Variants in DNMT3A observed in about 807,000 individuals in gnomAD.
The protein encoded by DNMT3A is DNA (cytosine-5)-methyltransferase 3A.
A neutral mutation model predicts 117.6 loss-of-function variants in DNMT3A; 267 were observed. The ratio of observed to expected loss-of-function variants is 2.27; its 90% confidence interval spans 2.05 to 2.51. The LOEUF (loss-of-function observed/expected upper bound fraction) is 2.51, where lower values mean the gene tolerates loss of function less well. DNMT3A is among the 30% of genes most tolerant of loss of function. The probability of loss-of-function intolerance (pLI) is 0.00; values close to 1 mark genes in which losing one functional copy is unlikely to be tolerated. For missense variants in DNMT3A, 1,029 were observed against 1,260.2 expected, an observed-to-expected ratio of 0.82 and a Z score of 2.78; for synonymous variants, 432 against 474.8, an observed-to-expected ratio of 0.91 and a Z score of 1.17.
chr2:25,255,819 G>A (rs1042344893), intron 6 of DNMT3A, among the ~76,000 whole-genome samples: 8 of 152,160 alleles, frequency 5.3e-5, no homozygotes, highest in Non-Finnish European at 1.2e-4. Context: ...ATGATCATAA[G>A]TATGTTAATG....
At position 25,230,461 on chromosome 2, in the gene DNMT3A, C is replaced by G. The variant is rs1300169309; in HGVS notation, c.*3818G>C. 1.3e-5 allele frequency: 2 copies of G among 152,206 alleles called. No individual in the cohort carries two copies. Among genetic ancestry groups the G allele is most frequent in the Admixed American group, 1.3e-4 (2 of 15,280 alleles). 9.4% of individuals were successfully genotyped at this position (152,206 alleles called of 1,614,324 possible). On this transcript the variant is annotated 3_prime_UTR_variant, in exon 23 of 23. Transcript: ENST00000321117. Reference sequence around the variant, plus strand: ...GAAGCTGTCATCAGCCCCCAGAACCCTTGTTTCTAAGGGGGAAATGGGCCT... The same window carrying G: ...GAAGCTGTCATCAGCCCCCAGAACCGTTGTTTCTAAGGGGGAAATGGGCCT...
At chr2:25,241,737 T>A (rs1392035109) in intron 16 of DNMT3A, 30 bp from the exon 17 acceptor site, 1 of 1,609,968 alleles carries the variant, frequency 6.2e-7, no homozygotes, top group African/African-American at 1.3e-5. Flanking sequence ...GCACCGTTAC[T>A]TGGAGCCATC....
At chr2:25,276,916 G>A (rs1217530777) in intron 4 of DNMT3A, among the ~76,000 whole-genome samples, 1 of 152,248 alleles carries the variant, frequency 6.6e-6, no homozygotes, top group Non-Finnish European at 1.5e-5. Flanking sequence ...CTCAGCCCGG[G>A]AGGCCACTCC....
rs542749828 is a variant in DNMT3A, at chr2:25,329,033, T to C, written c.-178+12793A>G. Among the ~76,000 whole-genome samples the C allele has an allele frequency of 1.0e-3, 153 of 152,290 alleles. 4 individuals carry two copies. In the South Asian group the frequency reaches 0.031, roughly 31 times the overall value. On this transcript the variant is annotated intron_variant, in intron 1 of 22. Coordinates refer to ENST00000321117, the MANE Select transcript of DNMT3A (RefSeq NM_022552.5). The stretch of plus-strand genomic sequence containing the variant: ...AGGTCCCCCAAAGGGTCTTCAGGGC[T>C]TGGGAGCGGCTGTTGGAGCTCGTCC...
At chr2:25,279,740 G>A (rs2031742378) in intron 4 of DNMT3A, among the ~76,000 whole-genome samples, 1 of 151,668 alleles carries the variant, frequency 6.6e-6, no homozygotes, top group African/African-American at 2.4e-5. Context: ...AGGCTGGAGT[G>A]CAGTGGCACA....
In DNMT3A at chr2:25,232,705, G is replaced by GC; in HGVS notation, c.*1573dup. ...GCCACCGCTAACTCAGAAGCACCCT[G>GC]CTCCCGCACCTTGGTTTGAAACCTA... On this transcript the variant is annotated 3_prime_UTR_variant, in exon 23 of 23. Coordinates refer to ENST00000321117, the MANE Select transcript of DNMT3A (RefSeq NM_022552.5). The surrounding 1 kb of genome is among the most constrained non-coding windows in gnomAD (Gnocchi z 4.1). 5.9e-6 allele frequency: 1 copy of GC among 169,860 alleles called. No homozygotes were observed. Among genetic ancestry groups the GC allele is most frequent in the South Asian group, 2.0e-4 (1 of 4,966 alleles). 10.5% of individuals were successfully genotyped at this position (169,860 alleles called of 1,614,324 possible). A position where few individuals can be genotyped will look rare whatever the true frequency, so the allele number is the denominator to read the frequency against.
rs115821038 is a variant in DNMT3A at position 25,303,122 on chromosome 2, G to A, written c.73-2879C>T. The stretch of plus-strand genomic sequence containing the variant: ...AACTCCTACTGCCCATAAATTCTGG[G>A]CTTTAAACTATTTCTTTAACAAGCT... On this transcript the variant is annotated intron_variant, in intron 2 of 22. Transcript: ENST00000321117. Among the ~76,000 whole-genome samples the A allele has an allele frequency of 8.3e-3, 1,268 of 152,328 alleles. 14 individuals are homozygous for A. The highest frequency in any genetic ancestry group is 0.027 in the African/African-American group (1,136 of 41,572).
At position 25,281,324 on chromosome 2, in the gene DNMT3A, A is replaced by C. The variant is rs1169326008; in HGVS notation, c.448+1117T>G. ...TTTTTCTCCTGAAATGAGGATAATC[A>C]TATCTCTTGAATAAGATTGTTAGAG... On this transcript the variant is annotated intron_variant, in intron 4 of 22. Transcript: ENST00000321117. The surrounding 1 kb of genome is among the most constrained non-coding windows in gnomAD (Gnocchi z 4.8). 1 of 627,384 alleles carries C rather than the reference A, an allele frequency of 1.6e-6. No homozygotes were observed. Among genetic ancestry groups the C allele is most frequent in the Non-Finnish European group, 2.0e-6 (1 of 494,416 alleles). The allele number at this position is 627,384 out of a possible 1,614,324, so 38.9% of individuals were successfully genotyped here.
Position 25,282,272 on chromosome 2 carries a change from T to C in DNMT3A, c.448+169A>G. 2.8e-6 allele frequency: 4 copies of C among 1,417,082 alleles called. No homozygotes were observed. Among genetic ancestry groups the C allele is most frequent in the Non-Finnish European group, 2.8e-6 (3 of 1,086,876 alleles). The allele number at this position is 1,417,082 out of a possible 1,614,324, so 87.8% of individuals were successfully genotyped here. A position where few individuals can be genotyped will look rare whatever the true frequency, so the allele number is the denominator to read the frequency against. ...AACACTCTATGGGCCAAATAAAACA[T>C]ATGCGCAGGCTGCATCCAGCCAGTA... On this transcript the variant is annotated intron_variant, in intron 4 of 22. Coordinates refer to ENST00000321117, the MANE Select transcript of DNMT3A (RefSeq NM_022552.5). The surrounding 1 kb of genome is among the most constrained non-coding windows in gnomAD (Gnocchi z 5.2).
chr2:25,333,315 C>A lies in DNMT3A; in HGVS notation c.-178+8511G>T, dbSNP rs13410565. On this transcript the variant is annotated intron_variant, in intron 1 of 22. Transcript: ENST00000321117. ...GTGAGGGGCCATGGGGAGGACAGGC[C>A]ACACTTGCAGGTCTTTTTTTTTTTT... Among the ~76,000 whole-genome samples, 318 of 151,948 alleles carry A rather than the reference C, an allele frequency of 2.1e-3. 1 individual carries two copies. Among genetic ancestry groups the A allele is most frequent in the African/African-American group, 7.4e-3 (308 of 41,458 alleles).
chr2:25,302,010 G>A (rs2033546335), intron 2 of DNMT3A, among the ~76,000 whole-genome samples: 1 of 152,192 alleles, frequency 6.6e-6, no homozygotes, highest in Non-Finnish European at 1.5e-5. Context: ...AAGACCAGCG[G>A]GAAGAGCATC....
rs1558669435 is a variant in DNMT3A, at chr2:25,246,276, T to C, written c.1313A>G (p.Asp438Gly). 1 of 1,613,580 alleles carries C rather than the reference T, an allele frequency of 6.2e-7. No homozygotes were observed. Among genetic ancestry groups the C allele is most frequent in the Admixed American group, 1.7e-5 (1 of 59,912 alleles). ...EKNPYKEVYT[D>G]MWVEPEAAAY... ...AGCTGCCTCAGGTTCCACCCACATG[T>C]CCGTGTACACTTCTTTGTAGGGATT... is the stretch of plus-strand genomic sequence containing the variant. The change falls in exon 11 of 23, where the codon GAC becomes GGC. Residue 438 changes from aspartate (D) to glycine (G), a missense_variant. Asp to Gly is a moderately conservative substitution (Grantham distance 94). Coordinates refer to ENST00000321117, the MANE Select transcript of DNMT3A (RefSeq NM_022552.5).
chr2:25,236,716 G>A lies in DNMT3A; in HGVS notation c.2478+220C>T, dbSNP rs1399640304. Among the ~76,000 whole-genome samples, 7 of 152,326 alleles carry A rather than the reference G, an allele frequency of 4.6e-5. No individual in the cohort carries two copies. The highest frequency in any genetic ancestry group is 4.1e-4 in the South Asian group (2 of 4,820). ...TGGTAAAGACTCCTCAGTGTCTACC[G>A]GGGGTGATGGGCGACACTCACCAGG... On this transcript the variant is annotated intron_variant, in intron 21 of 22. Coordinates refer to ENST00000321117, the MANE Select transcript of DNMT3A (RefSeq NM_022552.5). The surrounding 1 kb of genome is among the most constrained non-coding windows in gnomAD (Gnocchi z 4.5).
intron 1 of DNMT3A, among the ~76,000 whole-genome samples, chr2:25,318,527 C>A (rs1281110834): frequency 6.6e-6 from 1 of 152,106 alleles, no homozygotes; most frequent in Non-Finnish European, 1.5e-5. Context: ...CTCAAGTGAT[C>A]CACCCACCTT....
intron 1 of DNMT3A, 134 bp from the exon 2 acceptor site, chr2:25,314,295 G>A: frequency 8.3e-7 from 1 of 1,204,958 alleles, no homozygotes; most frequent in Non-Finnish European, 1.0e-6. Flanking sequence ...GCACCCCAGA[G>A]AGCAGAGAAA....
intron 19 of DNMT3A, 192 bp from the exon 20 acceptor site, chr2:25,239,407 C>T (rs1673726071): frequency 1.2e-5 from 8 of 658,316 alleles, no homozygotes; most frequent in East Asian, 8.8e-5. Flanking sequence ...GTCACTGGAA[C>T]GTTCTAGATC....
intron 6 of DNMT3A, among the ~76,000 whole-genome samples, chr2:25,274,452 T>C (rs2031217868): frequency 6.6e-6 from 1 of 152,134 alleles, no homozygotes; most frequent in Admixed American, 6.5e-5. Context: ...TCTGGCCCTT[T>C]CTCCTTTGCC....
At position 25,254,729 on chromosome 2, in the gene DNMT3A, AAAG is replaced by A. The variant is rs1489270118; in HGVS notation, c.640-6480_640-6478del. Among the ~76,000 whole-genome samples the A allele has an allele frequency of 6.6e-6, 1 of 152,076 alleles. No individual in the cohort carries two copies. Among genetic ancestry groups the A allele is most frequent in the Non-Finnish European group, 1.5e-5 (1 of 68,012 alleles). On this transcript the variant is annotated intron_variant, in intron 6 of 22. Transcript: ENST00000321117. This position sits in a 1 kb window ranked among gnomAD's most constrained non-coding sequence, Gnocchi z 4.7. ...AGAACTTACTTCAGGCCTCCTCTCAAAAGAAGTTTCTGGTTCTGGCTTGGTGGC... is the reference window on the plus strand; with the variant it reads ...AGAACTTACTTCAGGCCTCCTCTCAAAAGTTTCTGGTTCTGGCTTGGTGGC...
chr2:25,241,425 T>G, intron 17 of DNMT3A, 137 bp downstream of exon 17: 1 of 1,207,160 alleles, frequency 8.3e-7, no homozygotes, highest in Non-Finnish European at 1.1e-6. Context: ...AAATGGAAGA[T>G]AAGGAGAAAA....
Sources: gnomAD v4.1 joint callset for allele counts (sites outside exome capture counted in the v4.1 genomes callset) on GRCh38, gnomAD v4.1.1 for gene constraint, Gnocchi (gnomAD v3.1) non-coding constraint, MANE v1.5 for transcripts, NCBI Gene and HGNC (gene_info 2026-07-23, HGNC 2026-07-21) for gene names.